Variants in MYBPC2 observed in about 807,000 individuals in gnomAD.
MYBPC2 encodes myosin binding protein C2, also known as myosin-binding protein C, fast-type.
A neutral mutation model predicts 137.0 loss-of-function variants in MYBPC2; 122 were observed. The observed-to-expected ratio is 0.89, with a 90% CI of 0.77 to 1.03. The LOEUF is 1.03. Among genes scored for constraint, MYBPC2 ranks in the 50% least tolerant of loss-of-function variants. The pLI is 0.00. For synonymous variants in MYBPC2, 626 were observed against 612.3 expected (o/e 1.02, Z -0.33); for missense variants, 1,500 against 1,534.4 (o/e 0.98, Z 0.37).
At chr19:50,455,789 G>A in intron 20 of MYBPC2, 145 bp downstream of exon 20, 1 of 1,232,218 alleles carries the variant, frequency 8.1e-7, no homozygotes. Flanking sequence ...TAAGTCTCTG[G>A]GATGGGACCC....
chr19:50,435,103 G>C lies in MYBPC2; in HGVS notation c.20-58G>C, dbSNP rs2039689969. 1.4e-6 allele frequency: 1 copy of C among 740,372 alleles called. No individual in the cohort carries two copies. Among genetic ancestry groups the C allele is most frequent in the Admixed American group, 2.0e-5 (1 of 50,324 alleles). 45.9% of individuals were successfully genotyped at this position (740,372 alleles called of 1,614,324 possible). Reference sequence around the variant, plus strand: ...GGGGGGTCTGGACTCCTGCGTCTGAGGGAGGGGCATGGGTGTGCAGACCGC... The same window carrying C: ...GGGGGGTCTGGACTCCTGCGTCTGACGGAGGGGCATGGGTGTGCAGACCGC... On this transcript the variant is annotated intron_variant, in intron 1 of 27. Transcript: ENST00000357701. This position sits in a 1 kb window ranked among gnomAD's most constrained non-coding sequence, Gnocchi z 4.8.
intron 11 of MYBPC2, among the ~76,000 whole-genome samples, chr19:50,444,425 A>G (rs1246911060): frequency 2.0e-5 from 3 of 152,276 alleles, no homozygotes; most frequent in East Asian, 1.9e-4. Flanking sequence ...CTATCAATCC[A>G]GAGATCTATC....
rs561072347 is a variant in MYBPC2, at chr19:50,460,237, G to T, written c.2931+58G>T. The T allele has an allele frequency of 5.9e-6, 9 of 1,533,778 alleles. No individual in the cohort carries two copies. In the South Asian group the frequency reaches 1.0e-4, roughly 18 times the overall value. ...CGGTGAGGTGGGCAGAGCAGGTGCA[G>T]ATGTCCCCCGTTCACAGCTGGAAGG... On this transcript the variant is annotated intron_variant, in intron 24 of 27. Coordinates refer to ENST00000357701, the MANE Select transcript of MYBPC2 (RefSeq NM_004533.4).
chr19:50,442,342 CG>C, intron 9 of MYBPC2, 29 bp downstream of exon 9: 1 of 1,601,572 alleles, frequency 6.2e-7, no homozygotes, highest in Non-Finnish European at 8.5e-7. Context: ...GTCCCTGCAC[CG>C]GGGAGATCCC....
rs1209194223 is a variant in MYBPC2 at position 50,464,231 on chromosome 19, A to G, written c.3229-115A>G. 14 of 926,738 alleles carry G rather than the reference A, an allele frequency of 1.5e-5. No individual in the cohort carries two copies. In the East Asian group the frequency reaches 3.5e-4, roughly 23 times the overall value. The allele number at this position is 926,738 out of a possible 1,614,324, so 57.4% of individuals were successfully genotyped here. A position where few individuals can be genotyped will look rare whatever the true frequency, so the allele number is the denominator to read the frequency against. On this transcript the variant is annotated intron_variant, in intron 26 of 27. Transcript: ENST00000357701. Reference sequence around the variant, plus strand: ...AGGGAGAAGTGACTCGTCCAAGAACATCTGGCAAGAGGGTGGCAGAGCCTA... The same window carrying G: ...AGGGAGAAGTGACTCGTCCAAGAACGTCTGGCAAGAGGGTGGCAGAGCCTA...
chr19:50,461,701 G>C lies in MYBPC2; in HGVS notation c.3091G>C (p.Gly1031Arg). Residue 1031 changes from glycine to arginine, a missense_variant and splice_region_variant, in exon 25 of 28, where the codon GGA becomes CGA. By Grantham distance (125) the Gly-to-Arg change is moderately radical. Transcript: ENST00000357701. Reference protein sequence around the residue: ...SKNTARILKTGITFKPFEYKE... With the variant: ...SKNTARILKTRITFKPFEYKE... The stretch of plus-strand genomic sequence containing the variant: ...GAACACGGCCCGCATCCTCAAGACA[G>C]GTACAGCCATCCTGCCCCACAGCCC... 6.2e-7 allele frequency: 1 copy of C among 1,612,878 alleles called. No individual in the cohort carries two copies. The highest frequency in any genetic ancestry group is 8.5e-7 in the Non-Finnish European group (1 of 1,179,732).
At chr19:50,449,108 G>A (rs2039833789) in intron 13 of MYBPC2, among the ~76,000 whole-genome samples, 1 of 152,144 alleles carries the variant, frequency 6.6e-6, no homozygotes, top group African/African-American at 2.4e-5. Context: ...TGGCACTTTG[G>A]GAGGCCAAGG....
At chr19:50,459,076 C>T (rs1361885986) in intron 22 of MYBPC2, 35 bp from the exon 23 acceptor site, 9 of 1,555,108 alleles carry the variant, frequency 5.8e-6, no homozygotes, top group Non-Finnish European at 7.8e-6. Context: ...GGTGGAGCCC[C>T]GCTGACCCCA....
At chr19:50,449,633 T>C (rs2039838244) in intron 13 of MYBPC2, among the ~76,000 whole-genome samples, 1 of 152,202 alleles carries the variant, frequency 6.6e-6, no homozygotes, top group Admixed American at 6.5e-5. Context: ...CCTCTGGCCA[T>C]ATCAGCTAAC....
chr19:50,450,846 T>A lies in MYBPC2; in HGVS notation c.1490T>A (p.Ile497Asn). ...CCCCTTAGGTTCCACAAGCTGGTGA[T>A]CGATGACGTCCGCCCCGAGGATGAG... is the stretch of plus-strand genomic sequence containing the variant. ...SHVGRFHKLVIDDVRPEDEGD... is the reference protein window; with the variant it reads ...SHVGRFHKLVNDDVRPEDEGD... Residue 497 changes from isoleucine to asparagine, a missense_variant, in exon 14 of 28, where the codon ATC becomes AAC. Transcript: ENST00000357701. 1 of 1,572,266 alleles carries A rather than the reference T, an allele frequency of 6.4e-7. No individual in the cohort carries two copies. The highest frequency in any genetic ancestry group is 1.2e-5 in the South Asian group (1 of 85,108).
At chr19:50,445,415 C>CA (rs2039794827) in intron 11 of MYBPC2, among the ~76,000 whole-genome samples, 1 of 143,928 alleles carries the variant, frequency 6.9e-6, no homozygotes, top group Non-Finnish European at 1.5e-5. Context: ...TTTTTTGAGA[C>CA]AGAGTCTCAC....
rs1368598634 is a variant in MYBPC2, at chr19:50,460,047, TG to T, written c.2802del (p.Ile937Ter). 2.6e-6 allele frequency: 4 copies of T among 1,552,792 alleles called. No homozygotes were observed. Among genetic ancestry groups the T allele is most frequent in the African/African-American group, 1.4e-5 (1 of 72,958 alleles). ...TIRIRVVEKA[G>X]PPINVMVKEV... ...ACACTTCCCCATTTCCAGAAAAGGCTGGGCCCCCCATAAACGTGATGGTGAA... is the reference window on the plus strand; with the variant it reads ...ACACTTCCCCATTTCCAGAAAAGGCTGGCCCCCCATAAACGTGATGGTGAA... On this transcript the variant is annotated frameshift_variant, in exon 24 of 28. Coordinates refer to ENST00000357701, the MANE Select transcript of MYBPC2 (RefSeq NM_004533.4). LOFTEE classifies it high-confidence loss of function.
Position 50,436,008 on chromosome 19 carries a change from G to A in MYBPC2, c.197-4G>A. ...CACTCTACCCTGTCACTCACCCCAT[G>A]TAGGGAAGGACGCAGTGGTCGTGGC... On this transcript the variant is annotated splice_polypyrimidine_tract_variant and splice_region_variant and intron_variant, in intron 3 of 27. Coordinates refer to ENST00000357701, the MANE Select transcript of MYBPC2 (RefSeq NM_004533.4). 1.9e-6 allele frequency: 3 copies of A among 1,576,200 alleles called. No homozygotes were observed. The highest frequency in any genetic ancestry group is 2.6e-6 in the Non-Finnish European group (3 of 1,160,608).
In MYBPC2 at chr19:50,453,922, G is replaced by T. The variant is rs568233745; in HGVS notation, c.1750-98G>T. 2.2e-6 allele frequency: 3 copies of T among 1,346,664 alleles called. No individual in the cohort carries two copies. The Admixed American group carries it at 7.1e-5, about 32-fold the overall frequency. The allele number at this position is 1,346,664 out of a possible 1,614,324, so 83.4% of individuals were successfully genotyped here. On this transcript the variant is annotated intron_variant, in intron 16 of 27. Coordinates refer to ENST00000357701, the MANE Select transcript of MYBPC2 (RefSeq NM_004533.4). Reference sequence around the variant, plus strand: ...AGTGAGGACTCTGTGTGTTGATGGGGAATCATGGGAGGATTCTGAGCAGGG... The same window carrying T: ...AGTGAGGACTCTGTGTGTTGATGGGTAATCATGGGAGGATTCTGAGCAGGG...
At position 50,453,263 on chromosome 19, in the gene MYBPC2, T is replaced by C. The variant is rs76985121; in HGVS notation, c.1750-757T>C. Among the ~76,000 whole-genome samples, 495 of 152,072 alleles carry C rather than the reference T, an allele frequency of 3.3e-3. 8 individuals are homozygous for C. The highest frequency in any genetic ancestry group is 6.8e-3 in the Middle Eastern group (2 of 292). ...GCTACCTCACCCTGCTCAGTAGCCTTTACTCTTGCGGAGACGCAAACACCT... is the reference window on the plus strand; with the variant it reads ...GCTACCTCACCCTGCTCAGTAGCCTCTACTCTTGCGGAGACGCAAACACCT... On this transcript the variant is annotated intron_variant, in intron 16 of 27. Coordinates refer to ENST00000357701, the MANE Select transcript of MYBPC2 (RefSeq NM_004533.4).
chr19:50,447,867 T>A (rs10402590), intron 12 of MYBPC2, among the ~76,000 whole-genome samples: 4,457 of 151,420 alleles, frequency 0.029, 214 homozygotes, highest in African/African-American at 0.1. Context: ...CAAAAAAAAA[T>A]AAATAAATAA....
At chr19:50,446,986 T>TA (rs529228553) in intron 12 of MYBPC2, among the ~76,000 whole-genome samples, 29,206 of 129,882 alleles carry the variant, frequency 0.22, 3,915 homozygotes, top group African/African-American at 0.39. Flanking sequence ...GACTCCGTCT[T>TA]AAAAAAAAAA....
chr19:50,461,530 TC>T lies in MYBPC2; in HGVS notation c.2932-8del. Reference sequence around the variant, plus strand: ...CCCCGACCCGCCTGGTCCCTCCCTGTCCCCACACTAGGAGTGGTTCAACGTC... The same window carrying T: ...CCCCGACCCGCCTGGTCCCTCCCTGTCCCACACTAGGAGTGGTTCAACGTC... On this transcript the variant is annotated splice_polypyrimidine_tract_variant and intron_variant, in intron 24 of 27. Transcript: ENST00000357701. 1.2e-6 allele frequency: 2 copies of T among 1,612,246 alleles called. No homozygotes were observed. Among genetic ancestry groups the T allele is most frequent in the Non-Finnish European group, 1.7e-6 (2 of 1,179,064 alleles).
chr19:50,451,729 G>A, intron 15 of MYBPC2, 135 bp from the exon 16 acceptor site: 1 of 1,318,160 alleles, frequency 7.6e-7, no homozygotes, highest in South Asian at 1.4e-5. Flanking sequence ...TGGGTCTGAG[G>A]GAGGAGGGCT....
Sources: gnomAD v4.1 joint callset for allele counts (sites outside exome capture counted in the v4.1 genomes callset) on GRCh38, gnomAD v4.1.1 for gene constraint, Gnocchi (gnomAD v3.1) non-coding constraint, MANE v1.5 for transcripts, NCBI Gene and HGNC (gene_info 2026-07-23, HGNC 2026-07-21) for gene names.